OPRM1: variants seen among roughly 807,000 people sequenced by gnomAD.
The protein encoded by OPRM1 is opioid receptor mu 1, also known as mu-type opioid receptor.
OPRM1 carries 27 observed loss-of-function variants against 31.8 expected under a neutral mutation model. The ratio of observed to expected loss-of-function variants is 0.85; its 90% CI spans 0.63 to 1.17. The LOEUF (loss-of-function observed/expected upper bound fraction) is 1.17, where lower values mean the gene tolerates loss of function less well. OPRM1 is among the 50% of genes most tolerant of loss of function. The pLI, the probability that OPRM1 is intolerant of heterozygous loss-of-function variation, is 0.00. For missense variants in OPRM1, 536 were observed against 511.1 expected (o/e 1.05, Z -0.47); for synonymous variants, 196 against 189.9 (o/e 1.03, Z -0.26).
At chr6:154,184,908 T>C (rs1258761483) in intron 3 of OPRM1, among the ~76,000 whole-genome samples, 1 of 151,972 alleles carries the variant, frequency 6.6e-6, no homozygotes, top group African/African-American at 2.4e-5. Flanking sequence ...TTTCAGATAA[T>C]GTTATAATGT....
Position 154,130,083 on chromosome 6 carries a change from A to T in OPRM1, c.*11362A>T, listed in dbSNP as rs1389867734. On this transcript the variant is annotated 3_prime_UTR_variant, in exon 4 of 4. Transcript: ENST00000330432. ...TGAAAATTAGAATTTGCTTTCAATTATACTATCTCTATCTAAATCTTAATT... is the reference window on the plus strand; with the variant it reads ...TGAAAATTAGAATTTGCTTTCAATTTTACTATCTCTATCTAAATCTTAATT... Among the ~76,000 whole-genome samples the T allele has an allele frequency of 1.2e-5, 1 of 82,168 alleles. No individual in the cohort carries two copies. Among genetic ancestry groups the T allele is most frequent in the Non-Finnish European group, 2.6e-5 (1 of 38,880 alleles). 53.9% of individuals were successfully genotyped at this position (82,168 alleles called of 152,430 possible).
At chr6:154,241,981 C>G (rs184930280) in intron 3 of OPRM1, among the ~76,000 whole-genome samples, 28 of 152,322 alleles carry the variant, frequency 1.8e-4, no homozygotes, top group Admixed American at 7.8e-4. Context: ...AATCCCAGTT[C>G]TGCTATTTAC....
chr6:154,192,199 A>G (rs912138742), intron 3 of OPRM1, among the ~76,000 whole-genome samples: 4 of 152,100 alleles, frequency 2.6e-5, no homozygotes, highest in African/African-American at 9.7e-5. Flanking sequence ...TGCTTTCTAA[A>G]TTGGTTCCAC....
chr6:154,091,064 G>A lies in OPRM1; in HGVS notation c.756G>A (p.Val252=), dbSNP rs766703926. Residue 252 remains valine, a synonymous_variant, in exon 3 of 4, where the codon GTG becomes GTA. Transcript: ENST00000330432. Reference sequence around the variant, plus strand: ...TTATGCCAGTGCTCATCATTACCGTGTGCTATGGACTGATGATCTTGCGCC... The same window carrying A: ...TTATGCCAGTGCTCATCATTACCGTATGCTATGGACTGATGATCTTGCGCC... The part of the protein sequence containing the change: ...AFIMPVLIIT[V]CYGLMILRLK... 3.7e-6 allele frequency: 6 copies of A among 1,614,044 alleles called. No homozygotes were observed. The African/African-American group carries it at 8.0e-5, about 22-fold the overall frequency.
chr6:154,179,393 T>C (rs956594823), intron 3 of OPRM1, among the ~76,000 whole-genome samples: 3 of 152,184 alleles, frequency 2.0e-5, no homozygotes, highest in Non-Finnish European at 2.9e-5. Context: ...AAACACTACA[T>C]TATTTCTCTT....
chr6:154,134,012 G>A (rs114387886), downstream of OPRM1, among the ~76,000 whole-genome samples: 1 of 152,190 alleles, frequency 6.6e-6, no homozygotes, highest in Non-Finnish European at 1.5e-5. Flanking sequence ...TTTAAGTTTG[G>A]CTGAAGACTC....
At chr6:154,138,862 G>A (rs972846674) in intron 3 of OPRM1, among the ~76,000 whole-genome samples, 1 of 152,204 alleles carries the variant, frequency 6.6e-6, no homozygotes, top group African/African-American at 2.4e-5. Flanking sequence ...CTGCTCCTAA[G>A]ATCAATGCTT....
chr6:154,232,289 T>C (rs959395521), intron 3 of OPRM1, among the ~76,000 whole-genome samples: 4 of 152,382 alleles, frequency 2.6e-5, no homozygotes, highest in African/African-American at 9.6e-5. Flanking sequence ...TGTTTTATTT[T>C]CTTCTAGATA....
Position 154,149,053 on chromosome 6 carries a change from G to A in OPRM1, c.1164+57581G>A, listed in dbSNP as rs574342345. Reference sequence around the variant, plus strand: ...AATGGTTATAGGTTCCTTTGGGAAGGACTAGGGGAATTGCCTGTATCTTAT... The same window carrying A: ...AATGGTTATAGGTTCCTTTGGGAAGAACTAGGGGAATTGCCTGTATCTTAT... On this transcript the variant is annotated intron_variant, in intron 3 of 3. Coordinates refer to the OPRM1 transcript ENST00000337049. Among the ~76,000 whole-genome samples, 25 of 152,290 alleles carry A rather than the reference G, an allele frequency of 1.6e-4. No homozygotes were observed. In the South Asian group the frequency reaches 5.0e-3, roughly 30 times the overall value.
intron 3 of OPRM1, chr6:154,246,441 G>T: frequency 3.5e-6 from 3 of 851,934 alleles, no homozygotes; most frequent in Non-Finnish European, 5.3e-6. Flanking sequence ...CATATCTACT[G>T]CACCAGAAAT....
chr6:154,075,522 G>T (rs1458766934), intron 1 of OPRM1, among the ~76,000 whole-genome samples: 1 of 151,148 alleles, frequency 6.6e-6, no homozygotes, highest in Non-Finnish European at 1.5e-5. Flanking sequence ...CGCAATCTCG[G>T]CTGACTGCAA....
chr6:154,159,330 G>C (rs1485518662), intron 3 of OPRM1: 1 of 161,392 alleles, frequency 6.2e-6, no homozygotes, highest in African/African-American at 2.4e-5. Flanking sequence ...AGGAATTTTT[G>C]TTCTGCAACA....
intron 3 of OPRM1, among the ~76,000 whole-genome samples, chr6:154,235,233 A>C (rs2128630620): frequency 6.6e-6 from 1 of 152,332 alleles, no homozygotes; most frequent in South Asian, 2.1e-4. Context: ...TGAATATTAG[A>C]GATTTAGAAG....
downstream of OPRM1, among the ~76,000 whole-genome samples, chr6:154,132,874 C>A (rs552050225): frequency 1.8e-3 from 267 of 152,282 alleles, no homozygotes; most frequent in Middle Eastern, 6.8e-3. Context: ...GTAATCCCAG[C>A]ACTTTGGGAG....
At chr6:154,117,241 A>G (rs1796974080) in intron 3 of OPRM1, among the ~76,000 whole-genome samples, 2 of 152,236 alleles carry the variant, frequency 1.3e-5, no homozygotes, top group East Asian at 1.9e-4. Context: ...ATTCTTCCAA[A>G]AAGTTGTTGT....
At chr6:154,197,985 G>A (rs999398716) in intron 3 of OPRM1, among the ~76,000 whole-genome samples, 1 of 152,088 alleles carries the variant, frequency 6.6e-6, no homozygotes, top group Admixed American at 6.6e-5. Context: ...CAAGATAGAG[G>A]TCATCTAGTT....
chr6:154,175,369 A>T (rs1800225702), intron 3 of OPRM1, among the ~76,000 whole-genome samples: 2 of 149,856 alleles, frequency 1.3e-5, no homozygotes, highest in African/African-American at 2.5e-5. Context: ...CTTTAAAAAA[A>T]TCAGTGAATC....
chr6:154,157,377 GT>G (rs1252521174), intron 3 of OPRM1: 1 of 152,252 alleles, frequency 6.6e-6, no homozygotes, highest in Non-Finnish European at 1.5e-5. Context: ...AGAAAGCCAG[GT>G]GCAAAATTGT....
chr6:154,039,744 T>C lies in OPRM1; in HGVS notation c.200T>C (p.Met67Thr), dbSNP rs761476802. ...SLCPPTGSPS[M>T]ITAITIMALY... ...TGCCCTCCGACCGGCAGTCCCTCCA[T>C]GATCACGGCCATCACGATCATGGCC... is the stretch of plus-strand genomic sequence containing the variant. Residue 67 changes from methionine (M) to threonine (T), a missense_variant, in exon 1 of 4, where the codon ATG becomes ACG. Coordinates refer to ENST00000330432, the MANE Select transcript of OPRM1 (RefSeq NM_000914.5). 1.2e-6 allele frequency: 2 copies of C among 1,608,712 alleles called. No homozygotes were observed. Among genetic ancestry groups the C allele is most frequent in the South Asian group, 2.2e-5 (2 of 91,062 alleles).
Sources: allele counts gnomAD v4.1 joint callset (sites outside exome capture counted in the v4.1 genomes callset), GRCh38; gene constraint gnomAD v4.1.1; transcripts MANE v1.5; gene names NCBI Gene and HGNC (gene_info 2026-07-23, HGNC 2026-07-21).